Variants in KLF12 observed in about 807,000 individuals in gnomAD.
KLF12 encodes the protein KLF transcription factor 12, also known as Krueppel-like factor 12.
KLF12 carries 9 observed loss-of-function variants against 37.8 expected under a neutral mutation model. That is an observed-to-expected ratio of 0.24 (90% CI 0.14 to 0.42). The LOEUF is 0.42. KLF12 is among the 10% of genes least tolerant of loss of function. The pLI is 1.00. For missense variants in KLF12, 411 were observed against 516.0 expected, an observed-to-expected ratio of 0.80 and a Z score of 1.97; for synonymous variants, 208 against 202.1, an observed-to-expected ratio of 1.03 and a Z score of -0.25.
rs113368694 is a variant in KLF12, at chr13:73,810,230, G to A, written c.806+2922C>T. 8.1e-3 allele frequency among the ~76,000 whole-genome samples: 1,234 copies of A among 152,076 alleles called. 20 individuals carry two copies. The highest frequency in any genetic ancestry group is 0.028 in the African/African-American group (1,163 of 41,484). On this transcript the variant is annotated intron_variant, in intron 5 of 7. Coordinates refer to ENST00000377669, the MANE Select transcript of KLF12 (RefSeq NM_007249.5). Reference sequence around the variant, plus strand: ...ACTGCACTCCAGCATGGGTGACAGAGCGAGACGCCATCTCAAAAAAAAAAG... The same window carrying A: ...ACTGCACTCCAGCATGGGTGACAGAACGAGACGCCATCTCAAAAAAAAAAG...
chr13:73,959,003 C>T (rs770440318), intron 2 of KLF12, among the ~76,000 whole-genome samples: 4 of 151,126 alleles, frequency 2.6e-5, no homozygotes, highest in Non-Finnish European at 5.9e-5. Flanking sequence ...TCTTTATCCC[C>T]GAAGATCCAG....
intron 6 of KLF12, among the ~76,000 whole-genome samples, chr13:73,761,572 C>T (rs1879553114): frequency 6.6e-6 from 1 of 152,184 alleles, no homozygotes; most frequent in South Asian, 2.1e-4. Context: ...TTTCCTCTGT[C>T]TTTTTCACTT....
intron 1 of KLF12, among the ~76,000 whole-genome samples, chr13:74,110,099 G>T (rs946713312): frequency 6.6e-6 from 1 of 152,148 alleles, no homozygotes; most frequent in African/African-American, 2.4e-5. Context: ...TTTCTTAAGT[G>T]AAATGTCACA....
chr13:74,244,315 A>G, the KLF12 span, among the ~76,000 whole-genome samples: 259 of 152,322 alleles, frequency 1.7e-3, 1 homozygote, highest in African/African-American at 5.8e-3. Context: ...ACTACCTAAA[A>G]CATTCAGGGG....
rs142084886 is a variant in KLF12 at position 74,038,533 on chromosome 13, C to A, written c.-31-43480G>T. 8.9e-4 allele frequency among the ~76,000 whole-genome samples: 136 copies of A among 152,180 alleles called. 3 individuals are homozygous for A. The East Asian group carries it at 0.014, about 16-fold the overall frequency. On this transcript the variant is annotated intron_variant, in intron 1 of 7. Coordinates refer to ENST00000377669, the MANE Select transcript of KLF12 (RefSeq NM_007249.5). ...ATGGAGAACAGACAGACATGAACACCTGAAGTTGATCCATATATATTATAG... is the reference window on the plus strand; with the variant it reads ...ATGGAGAACAGACAGACATGAACACATGAAGTTGATCCATATATATTATAG...
At chr13:74,102,077 G>GC (rs1876381434) in intron 1 of KLF12, among the ~76,000 whole-genome samples, 1 of 151,998 alleles carries the variant, frequency 6.6e-6, no homozygotes, top group Non-Finnish European at 1.5e-5. Flanking sequence ...CAGTAGCCAG[G>GC]CATGGTGGCA....
intron 2 of KLF12, among the ~76,000 whole-genome samples, chr13:73,982,798 C>T (rs1016457250): frequency 3.6e-4 from 54 of 152,108 alleles, no homozygotes; most frequent in African/African-American, 1.3e-3. Context: ...TCCTGTAAAC[C>T]AGACCCTTTC....
intron 3 of KLF12, among the ~76,000 whole-genome samples, chr13:73,914,313 T>A (rs748995012): frequency 6.6e-6 from 1 of 152,140 alleles, no homozygotes; most frequent in Non-Finnish European, 1.5e-5. Flanking sequence ...ACCAACCCAC[T>A]CGTCCCCTGG....
Position 74,101,531 on chromosome 13 carries a change from A to C in KLF12, c.-32+32208T>G, listed in dbSNP as rs527652755. 2.0e-5 allele frequency among the ~76,000 whole-genome samples: 3 copies of C among 152,176 alleles called. No homozygotes were observed. In the East Asian group the frequency reaches 5.8e-4, roughly 30 times the overall value. ...TTATAGTTTCTAAATACCACTCTCC[A>C]CTGAAGGAACCAGGGTTAACTGGAG... On this transcript the variant is annotated intron_variant, in intron 1 of 7. Transcript: ENST00000377669.
rs113652549 is a variant in KLF12, at chr13:74,007,554, C to T, written c.-31-12501G>A. ...CCTCCCAGTGTGCTGGGATTACAGGCGTGAGCCACCGCGGCCGGCCAAGAC... is the reference window on the plus strand; with the variant it reads ...CCTCCCAGTGTGCTGGGATTACAGGTGTGAGCCACCGCGGCCGGCCAAGAC... On this transcript the variant is annotated intron_variant, in intron 1 of 7. Transcript: ENST00000377669. Among the ~76,000 whole-genome samples the T allele has an allele frequency of 6.1e-3, 935 of 152,218 alleles. 5 individuals are homozygous for T. The highest frequency in any genetic ancestry group is 0.01 in the Admixed American group (156 of 15,294).
At chr13:73,955,935 C>T (rs1890817809) in intron 2 of KLF12, among the ~76,000 whole-genome samples, 1 of 152,208 alleles carries the variant, frequency 6.6e-6, no homozygotes, top group South Asian at 2.1e-4. Flanking sequence ...TTCCCCACCT[C>T]CGCTTTTCCA....
the KLF12 span, among the ~76,000 whole-genome samples, chr13:74,225,296 A>G: frequency 4.6e-5 from 7 of 152,152 alleles, no homozygotes; most frequent in Non-Finnish European, 1.5e-5. Flanking sequence ...CTAGAATGCC[A>G]ATTTCCCTAA....
At chr13:73,976,935 GA>G (rs1891542517) in intron 2 of KLF12, among the ~76,000 whole-genome samples, 1 of 152,144 alleles carries the variant, frequency 6.6e-6, no homozygotes, top group Non-Finnish European at 1.5e-5. Flanking sequence ...ACAAATCTCT[GA>G]TGGGAGACTG....
At chr13:74,297,183 T>C in the KLF12 span, among the ~76,000 whole-genome samples, 1 of 152,176 alleles carries the variant, frequency 6.6e-6, no homozygotes, top group East Asian at 1.9e-4. Flanking sequence ...AGCTAGAATA[T>C]GCCAGACTAT....
At chr13:74,060,850 T>G (rs1281010220) in intron 1 of KLF12, among the ~76,000 whole-genome samples, 1 of 152,194 alleles carries the variant, frequency 6.6e-6, no homozygotes, top group Non-Finnish European at 1.5e-5. Flanking sequence ...TTCACTGATC[T>G]CTATTCACAG....
chr13:74,071,867 A>G (rs1874275245), intron 1 of KLF12, among the ~76,000 whole-genome samples: 1 of 152,166 alleles, frequency 6.6e-6, no homozygotes, highest in Admixed American at 6.5e-5. Flanking sequence ...GTGATTTCTT[A>G]TTTTAAATCA....
the KLF12 span, among the ~76,000 whole-genome samples, chr13:74,292,038 G>C: frequency 6.6e-6 from 1 of 152,168 alleles, no homozygotes; most frequent in South Asian, 2.1e-4. Context: ...TGTGTTAAGA[G>C]CATGGGAAAT....
rs984387130 is a variant in KLF12 at position 73,692,387 on chromosome 13, T to C, written c.*3103A>G. 1 of 152,526 alleles carries C rather than the reference T, an allele frequency of 6.6e-6. No individual in the cohort carries two copies. Among genetic ancestry groups the C allele is most frequent in the Non-Finnish European group, 1.5e-5 (1 of 68,026 alleles). The allele number at this position is 152,526 out of a possible 1,614,324, so 9.4% of individuals were successfully genotyped here. Reference sequence around the variant, plus strand: ...TCTATACTGCAAACAGAAAATCAGGTCTACTGCAGCTGCTTAAGTAGTTAA... The same window carrying C: ...TCTATACTGCAAACAGAAAATCAGGCCTACTGCAGCTGCTTAAGTAGTTAA... On this transcript the variant is annotated 3_prime_UTR_variant, in exon 8 of 8. Transcript: ENST00000377669.
At chr13:73,962,997 C>G (rs1891064982) in intron 2 of KLF12, among the ~76,000 whole-genome samples, 1 of 152,024 alleles carries the variant, frequency 6.6e-6, no homozygotes, top group Admixed American at 6.6e-5. Context: ...ATTCTATCAC[C>G]CCACATTACT....
Sources: gnomAD v4.1 joint callset for allele counts (sites outside exome capture counted in the v4.1 genomes callset) on GRCh38, gnomAD v4.1.1 for gene constraint, MANE v1.5 for transcripts, NCBI Gene and HGNC (gene_info 2026-07-23, HGNC 2026-07-21) for gene names.